The following AGAP1 variants were observed in gnomAD, a reference collection of about 807,000 sequenced individuals.
AGAP1 encodes the protein ArfGAP with GTPase domain, ankyrin repeat and PH domain 1, also known as arf-GAP with GTPase, ANK repeat and PH domain-containing protein 1.
Under a neutral mutation model 105.3 loss-of-function variants are expected in AGAP1, and 29 were observed. The ratio of observed to expected loss-of-function variants is 0.28; its 90% CI spans 0.21 to 0.38. The LOEUF is 0.38. Among genes scored for constraint, AGAP1 ranks in the 10% least tolerant of loss-of-function variants. The pLI, the probability that AGAP1 is intolerant of heterozygous loss-of-function variation, is 1.00. For missense variants in AGAP1, 998 were observed against 1,165.1 expected, an observed-to-expected ratio of 0.86 and a Z score of 2.09; for synonymous variants, 509 against 485.9, an observed-to-expected ratio of 1.05 and a Z score of -0.63.
chr2:236,118,835 C>G (rs114649037), intron 16 of AGAP1, among the ~76,000 whole-genome samples: 1 of 151,484 alleles, frequency 6.6e-6, no homozygotes, highest in Admixed American at 6.6e-5. Context: ...ACCACCCTAC[C>G]TTTTTTTTTC....
chr2:235,876,485 C>T lies in AGAP1; in HGVS notation c.1051-6860C>T, dbSNP rs186540704. ...TGGCTCCTCCCCAGCCACCCTCCGT[C>T]TCCCGGACTTCCTCCTTGAACGTGG... On this transcript the variant is annotated intron_variant, in intron 9 of 17. Transcript: ENST00000304032. Among the ~76,000 whole-genome samples, 681 of 152,340 alleles carry T rather than the reference C, an allele frequency of 4.5e-3. 7 individuals are homozygous for T. The highest frequency in any genetic ancestry group is 0.015 in the African/African-American group (624 of 41,584).
At chr2:235,503,640 G>A (rs892731772) in intron 1 of AGAP1, among the ~76,000 whole-genome samples, 3 of 152,126 alleles carry the variant, frequency 2.0e-5, no homozygotes, top group South Asian at 4.2e-4. Context: ...TGTTGCTTAG[G>A]CTGAAGTGCA....
Position 236,114,526 on chromosome 2 carries a change from T to G in AGAP1, c.2115-5666T>G, listed in dbSNP as rs1418554448. ...GTGCGGGACATTCACGTCTCACAGT[T>G]CTGGAGGCTGGAAGTCTGGAGTCAG... On this transcript the variant is annotated intron_variant, in intron 16 of 17. Coordinates refer to ENST00000304032, the MANE Select transcript of AGAP1 (RefSeq NM_001037131.3). The surrounding 1 kb of genome is among the most constrained non-coding windows in gnomAD (Gnocchi z 5.0). Among the ~76,000 whole-genome samples, 1 of 152,162 alleles carries G rather than the reference T, an allele frequency of 6.6e-6. No individual in the cohort carries two copies. The highest frequency in any genetic ancestry group is 1.5e-5 in the Non-Finnish European group (1 of 68,026).
At position 235,934,891 on chromosome 2, in the gene AGAP1, C is replaced by T. The variant is rs10198201; in HGVS notation, c.1483+3968C>T. On this transcript the variant is annotated intron_variant, in intron 12 of 17. Transcript: ENST00000304032. The surrounding 1 kb of genome is among the most constrained non-coding windows in gnomAD (Gnocchi z 4.9). Reference sequence around the variant, plus strand: ...GCAACATTGGGATTCACTGTTTCTCCGCCCCCCGTCCACCCTAAATTAAGA... The same window carrying T: ...GCAACATTGGGATTCACTGTTTCTCTGCCCCCCGTCCACCCTAAATTAAGA... Among the ~76,000 whole-genome samples, 14,212 of 152,118 alleles carry T rather than the reference C, an allele frequency of 0.093. 2,095 individuals are homozygous for T. Among genetic ancestry groups the T allele is most frequent in the African/African-American group, 0.31 (13,033 of 41,430 alleles).
chr2:235,603,292 T>A (rs148760550), intron 1 of AGAP1, among the ~76,000 whole-genome samples: 13 of 152,194 alleles, frequency 8.5e-5, no homozygotes, highest in Non-Finnish European at 1.9e-4. Context: ...CCCCAGCCAC[T>A]TGGAACTGTG....
Position 236,038,796 on chromosome 2 carries a change from GAGAC to G in AGAP1, c.1801-1951_1801-1948del, listed in dbSNP as rs1419987248. 1.4e-5 allele frequency among the ~76,000 whole-genome samples: 2 copies of G among 147,434 alleles called. No homozygotes were observed. The highest frequency in any genetic ancestry group is 2.0e-4 in the East Asian group (1 of 5,034). On this transcript the variant is annotated intron_variant, in intron 14 of 17. Transcript: ENST00000304032. This position sits in a 1 kb window ranked among gnomAD's most constrained non-coding sequence, Gnocchi z 4.5. ...CACAGAAATGATACAGGTACACAGA[GAGAC>G]AGAGGCACATCCCTTTGTATGTGTG...
intron 1 of AGAP1, among the ~76,000 whole-genome samples, chr2:235,519,776 A>G (rs977722221): frequency 1.2e-4 from 18 of 152,002 alleles, no homozygotes; most frequent in Non-Finnish European, 1.8e-4. Context: ...TACCAATATT[A>G]TTATTATCAT....
chr2:236,061,662 A>G lies in AGAP1; in HGVS notation c.2114+12381A>G, dbSNP rs79701899. On this transcript the variant is annotated intron_variant, in intron 16 of 17. Transcript: ENST00000304032. The surrounding 1 kb of genome is among the most constrained non-coding windows in gnomAD (Gnocchi z 4.1). ...GGCGAAAACAGGCACCTCCATAGTA[A>G]TGCAAAGTAGATTCCTGCTTGCCAG... is the stretch of plus-strand genomic sequence containing the variant. 9.3e-3 allele frequency among the ~76,000 whole-genome samples: 1,416 copies of G among 152,218 alleles called. 21 individuals carry two copies. The highest frequency in any genetic ancestry group is 0.032 in the African/African-American group (1,311 of 41,538).
At position 236,035,532 on chromosome 2, in the gene AGAP1, C is replaced by T. The variant is rs1197072507; in HGVS notation, c.1646-1029C>T. On this transcript the variant is annotated intron_variant, in intron 13 of 17. Coordinates refer to ENST00000304032, the MANE Select transcript of AGAP1 (RefSeq NM_001037131.3). The surrounding 1 kb of genome is among the most constrained non-coding windows in gnomAD (Gnocchi z 4.2). ...GTCCGAGCTACTCAGGAGGCGAAGG[C>T]AGGCTCGCTTGAGCCTGGGAGGTGG... Among the ~76,000 whole-genome samples the T allele has an allele frequency of 1.3e-5, 2 of 152,164 alleles. No individual in the cohort carries two copies.
At chr2:235,778,844 C>T (rs1184115070) in intron 6 of AGAP1, among the ~76,000 whole-genome samples, 1 of 152,170 alleles carries the variant, frequency 6.6e-6, no homozygotes, top group Non-Finnish European at 1.5e-5. Context: ...GGGATGCCAG[C>T]CCGGGCACCA....
At chr2:235,907,051 G>A (rs530415362) in intron 10 of AGAP1, among the ~76,000 whole-genome samples, 39 of 152,152 alleles carry the variant, frequency 2.6e-4, no homozygotes, top group Admixed American at 4.6e-4. Flanking sequence ...TAGACAGCCC[G>A]TTTCCTGGAA....
chr2:235,595,184 C>G (rs1168514353), intron 1 of AGAP1, among the ~76,000 whole-genome samples: 1 of 152,122 alleles, frequency 6.6e-6, no homozygotes, highest in Non-Finnish European at 1.5e-5. Context: ...GCCCAGCCTC[C>G]AGGGGAAGGG....
At chr2:235,670,737 TG>T in intron 1 of AGAP1, 2 of 888,670 alleles carry the variant, frequency 2.3e-6, no homozygotes, top group African/African-American at 1.7e-5. Context: ...ACCCTGGACG[TG>T]GGCGAGGTGC....
At chr2:235,518,031 G>C (rs1280776108) in intron 1 of AGAP1, among the ~76,000 whole-genome samples, 1 of 152,110 alleles carries the variant, frequency 6.6e-6, no homozygotes, top group African/African-American at 2.4e-5. Context: ...CCCATTTGCA[G>C]GTGAGAGGTG....
At chr2:235,812,293 G>A (rs998590784) in intron 9 of AGAP1, among the ~76,000 whole-genome samples, 12 of 152,222 alleles carry the variant, frequency 7.9e-5, no homozygotes, top group Non-Finnish European at 1.6e-4. Context: ...TTCCCAAGCT[G>A]TCAGAGGAAG....
chr2:235,533,330 C>T (rs942113324), intron 1 of AGAP1, among the ~76,000 whole-genome samples: 3 of 152,104 alleles, frequency 2.0e-5, no homozygotes, highest in East Asian at 3.9e-4. Context: ...GGCAGGAAAT[C>T]AAGCGGATTT....
In AGAP1 at chr2:235,578,276, G is replaced by T. The variant is rs1369268893; in HGVS notation, c.163+83427G>T. Among the ~76,000 whole-genome samples, 3 of 152,124 alleles carry T rather than the reference G, an allele frequency of 2.0e-5. No individual in the cohort carries two copies. Among genetic ancestry groups the T allele is most frequent in the African/African-American group, 7.2e-5 (3 of 41,432 alleles). Reference sequence around the variant, plus strand: ...ACCTGCACTGTGCCCCCACACCTTTGTTGACAAGGACCTGACCTCTCCTCA... The same window carrying T: ...ACCTGCACTGTGCCCCCACACCTTTTTTGACAAGGACCTGACCTCTCCTCA... On this transcript the variant is annotated intron_variant, in intron 1 of 17. Coordinates refer to ENST00000304032, the MANE Select transcript of AGAP1 (RefSeq NM_001037131.3). This position sits in a 1 kb window ranked among gnomAD's most constrained non-coding sequence, Gnocchi z 4.9.
chr2:235,894,601 A>ACT (rs2050708319), intron 10 of AGAP1, among the ~76,000 whole-genome samples: 1 of 150,542 alleles, frequency 6.6e-6, no homozygotes, highest in South Asian at 2.1e-4. Flanking sequence ...ACACACACAC[A>ACT]TACACACACA....
In AGAP1 at chr2:235,542,629, G is replaced by T. The variant is rs576546391; in HGVS notation, c.163+47780G>T. ...TAACAAAATGATACATATTTTACATGTACAATCATTTCAAAATATAGACTG... is the reference window on the plus strand; with the variant it reads ...TAACAAAATGATACATATTTTACATTTACAATCATTTCAAAATATAGACTG... On this transcript the variant is annotated intron_variant, in intron 1 of 17. Coordinates refer to ENST00000304032, the MANE Select transcript of AGAP1 (RefSeq NM_001037131.3). Among the ~76,000 whole-genome samples the T allele has an allele frequency of 3.3e-5, 5 of 151,426 alleles. No homozygotes were observed. The East Asian group carries it at 9.6e-4, about 29-fold the overall frequency.
Sources: allele counts gnomAD v4.1 joint callset (sites outside exome capture counted in the v4.1 genomes callset), GRCh38; gene constraint gnomAD v4.1.1; non-coding constraint Gnocchi (gnomAD v3.1); transcripts MANE v1.5; gene names NCBI Gene and HGNC (gene_info 2026-07-23, HGNC 2026-07-21).